LEUTX: variants seen among roughly 807,000 people sequenced by gnomAD.
LEUTX encodes the protein leucine twenty homeobox.
In LEUTX, 5 loss-of-function variants were observed where a neutral mutation model predicts 4.5. The ratio of observed to expected loss-of-function variants is 1.11; its 90% CI spans 0.58 to 2.34. The LOEUF is 2.34. Among genes scored for constraint, LEUTX ranks in the 30% most tolerant of loss-of-function variants. The pLI is 0.01. For missense variants in LEUTX, 233 were observed against 239.4 expected, an observed-to-expected ratio of 0.97 and a Z score of 0.18; for synonymous variants, 89 against 85.1, an observed-to-expected ratio of 1.05 and a Z score of -0.25.
intron 1 of LEUTX, among the ~76,000 whole-genome samples, chr19:39,783,400 C>T (rs996497249): frequency 6.7e-6 from 1 of 148,926 alleles, no homozygotes; most frequent in South Asian, 2.1e-4. Context: ...CTTATCCACT[C>T]AATTGATGGA....
chr19:39,777,114 C>G (rs1400395287), upstream of LEUTX, among the ~76,000 whole-genome samples: 1 of 152,112 alleles, frequency 6.6e-6, no homozygotes, highest in Non-Finnish European at 1.5e-5. Flanking sequence ...TGGGCCTTTG[C>G]ACTTGATGTT....
chr19:39,782,819 C>T (rs1341022643), intron 1 of LEUTX, among the ~76,000 whole-genome samples: 1 of 152,112 alleles, frequency 6.6e-6, no homozygotes, highest in African/African-American at 2.4e-5. Flanking sequence ...ACAGGTCAAG[C>T]TTAGGAAAGA....
rs1456411197 is a variant in LEUTX, at chr19:39,786,116, A to C, written c.578A>C (p.Gln193Pro). 1 of 1,533,458 alleles carries C rather than the reference A, an allele frequency of 6.5e-7. No individual in the cohort carries two copies. Among genetic ancestry groups the C allele is most frequent in the South Asian group, 1.2e-5 (1 of 80,346 alleles). 95.0% of individuals were successfully genotyped at this position (1,533,458 alleles called of 1,614,324 possible). Residue 193 changes from glutamine to proline, a missense_variant, in exon 3 of 3, where the codon CAG becomes CCG. Transcript: ENST00000638280. ...TTTCCAGTATGCCTTGAGTATGACCAGCTCCAATCTTCAGTGTAACTTCTT... is the reference window on the plus strand; with the variant it reads ...TTTCCAGTATGCCTTGAGTATGACCCGCTCCAATCTTCAGTGTAACTTCTT... ...YLFPVCLEYDQLQSSV is the reference protein window; with the variant it reads ...YLFPVCLEYDPLQSSV
chr19:39,776,806 G>T (rs1373370746), upstream of LEUTX: 6 of 385,506 alleles, frequency 1.6e-5, no homozygotes, highest in Admixed American at 1.5e-4. Flanking sequence ...CCTTGAGCCT[G>T]GGAGGCGGAG....
upstream of LEUTX, among the ~76,000 whole-genome samples, chr19:39,778,292 C>T (rs190198668): frequency 3.1e-4 from 47 of 152,268 alleles, no homozygotes; most frequent in Non-Finnish European, 1.0e-4. Context: ...TCCCCAGCTG[C>T]CCCCAAATCC....
At chr19:39,785,672 T>C in intron 2 of LEUTX, 26 bp from the exon 3 acceptor site, 1 of 1,536,600 alleles carries the variant, frequency 6.5e-7, no homozygotes, top group African/African-American at 1.4e-5. Flanking sequence ...CATCCATTAT[T>C]AACCTCCCCC....
upstream of LEUTX, among the ~76,000 whole-genome samples, chr19:39,777,696 A>T (rs112155865): frequency 4.8e-3 from 729 of 152,294 alleles, 7 homozygotes; most frequent in African/African-American, 0.015. Context: ...GCAATGGCTC[A>T]CTAGCACTTT....
At chr19:39,781,932 C>T (rs967012676) in intron 1 of LEUTX, among the ~76,000 whole-genome samples, 18 of 152,126 alleles carry the variant, frequency 1.2e-4, no homozygotes, top group African/African-American at 2.4e-4. Flanking sequence ...GTTAAAGATA[C>T]GGAGGCAAAC....
rs540611836 is a variant in LEUTX, at chr19:39,785,561, G to A, written c.160-137G>A. 15 of 667,254 alleles carry A rather than the reference G, an allele frequency of 2.2e-5. 1 individual carries two copies. The highest frequency in any genetic ancestry group is 8.3e-4 in the Middle Eastern group (2 of 2,410). 41.3% of individuals were successfully genotyped at this position (667,254 alleles called of 1,614,324 possible). A position where few individuals can be genotyped will look rare whatever the true frequency, so the allele number is the denominator to read the frequency against. ...TTTTCCCTTGAAACCCAGGACAGCA[G>A]AGAGTAGAAAGGGCTTCCCTTGTTC... On this transcript the variant is annotated intron_variant, in intron 2 of 2. Coordinates refer to ENST00000638280, the MANE Select transcript of LEUTX (RefSeq NM_001382345.1).
At position 39,784,518 on chromosome 19, in the gene LEUTX, C is replaced by G. The variant is rs1043467106; in HGVS notation, c.8-9C>G. ...TTTAATGAAAGCCTTTTATCTGTTC[C>G]CTCTGCAGAAGGGCCAAGGCGTTAT... On this transcript the variant is annotated splice_polypyrimidine_tract_variant and intron_variant, in intron 1 of 2. Transcript: ENST00000638280. 1.8e-5 allele frequency: 16 copies of G among 875,022 alleles called. No individual in the cohort carries two copies. The highest frequency in any genetic ancestry group is 3.3e-5 in the African/African-American group (2 of 60,260). 54.2% of individuals were successfully genotyped at this position (875,022 alleles called of 1,614,324 possible).
intron 1 of LEUTX, among the ~76,000 whole-genome samples, chr19:39,780,795 G>A (rs1376292355): frequency 6.6e-6 from 1 of 151,906 alleles, no homozygotes; most frequent in South Asian, 2.1e-4. Flanking sequence ...TGATGTATGA[G>A]TGCAATATCT....
chr19:39,782,336 A>G (rs1340996579), intron 1 of LEUTX, among the ~76,000 whole-genome samples: 1 of 152,136 alleles, frequency 6.6e-6, no homozygotes, highest in East Asian at 1.9e-4. Context: ...TACGGTGCTC[A>G]TGGTAATGAA....
chr19:39,786,283 T>C lies in LEUTX; in HGVS notation c.*148T>C, dbSNP rs1027578906. The stretch of plus-strand genomic sequence containing the variant: ...AGAAAAAACAATAAAGGAACTCCCC[T>C]ACCTTTCATCATTGCCTGCATTTTC... On this transcript the variant is annotated 3_prime_UTR_variant, in exon 3 of 3. Transcript: ENST00000638280. 4 of 608,150 alleles carry C rather than the reference T, an allele frequency of 6.6e-6. No homozygotes were observed. In the African/African-American group the frequency reaches 7.5e-5, roughly 11 times the overall value. The allele number at this position is 608,150 out of a possible 1,614,324, so 37.7% of individuals were successfully genotyped here.
Position 39,779,714 on chromosome 19 carries a change from G to C in LEUTX, c.7+787G>C, listed in dbSNP as rs539777487. 1.1e-4 allele frequency among the ~76,000 whole-genome samples: 17 copies of C among 152,250 alleles called. 1 individual carries two copies. Among genetic ancestry groups the C allele is most frequent in the African/African-American group, 3.6e-4 (15 of 41,536 alleles). The stretch of plus-strand genomic sequence containing the variant: ...TTTATAATTGTACTTGTAAAACGTA[G>C]TTTAGAAGTATATTACTGGCTGGGC... On this transcript the variant is annotated intron_variant, in intron 1 of 2. Coordinates refer to ENST00000638280, the MANE Select transcript of LEUTX (RefSeq NM_001382345.1).
chr19:39,777,259 A>G (rs1460632752), upstream of LEUTX, among the ~76,000 whole-genome samples: 2 of 152,220 alleles, frequency 1.3e-5, no homozygotes, highest in African/African-American at 4.8e-5. Flanking sequence ...CAGTAGTATC[A>G]TAATCAGAAC....
intron 1 of LEUTX, among the ~76,000 whole-genome samples, chr19:39,783,707 G>A (rs573987001): frequency 2.7e-5 from 4 of 150,562 alleles, no homozygotes; most frequent in African/African-American, 7.3e-5. Context: ...TTGTGGTTTC[G>A]ATTTGCATTT....
chr19:39,779,577 ATGTGTTGC>A (rs1967854315), intron 1 of LEUTX, among the ~76,000 whole-genome samples: 1 of 152,042 alleles, frequency 6.6e-6, no homozygotes, highest in South Asian at 2.1e-4. Context: ...TATCTCTTAT[ATGTGTTGC>A]AAATATATTC....
chr19:39,783,412 A>G (rs1195075714), intron 1 of LEUTX, among the ~76,000 whole-genome samples: 2 of 149,864 alleles, frequency 1.3e-5, no homozygotes, highest in Non-Finnish European at 3.0e-5. Context: ...ATTGATGGAC[A>G]TTTGGGTTGG....
At chr19:39,776,458 G>A (rs1225643694), upstream of LEUTX, 7 of 357,386 alleles carry the variant, frequency 2.0e-5, no homozygotes, top group Non-Finnish European at 3.9e-5. Context: ...CTCCGGGAGT[G>A]CTGCCGCACC....
Sources: allele counts gnomAD v4.1 joint callset (sites outside exome capture counted in the v4.1 genomes callset), GRCh38; gene constraint gnomAD v4.1.1; transcripts MANE v1.5; gene names NCBI Gene and HGNC (gene_info 2026-07-23, HGNC 2026-07-21).